CBLB: variants seen among roughly 807,000 people sequenced by gnomAD.
CBLB encodes the protein E3 ubiquitin-protein ligase CBL-B.
In CBLB, 31 loss-of-function variants were observed where a neutral mutation model predicts 104.9. That is an observed-to-expected ratio of 0.30 (90% CI 0.22 to 0.40). CBLB has a LOEUF of 0.40. Among genes scored for constraint, CBLB ranks in the 10% least tolerant of loss-of-function variants. The probability of loss-of-function intolerance (pLI) is 1.00; values close to 1 mark genes in which losing one functional copy is unlikely to be tolerated. For missense variants in CBLB, 1,062 were observed against 1,214.6 expected, an observed-to-expected ratio of 0.87 and a Z score of 1.87; for synonymous variants, 440 against 422.6, an observed-to-expected ratio of 1.04 and a Z score of -0.51.
chr3:105,833,511 G>A (rs943551533), intron 3 of CBLB, among the ~76,000 whole-genome samples: 1 of 151,916 alleles, frequency 6.6e-6, no homozygotes, highest in African/African-American at 2.4e-5. Context: ...CTTTCAAAGC[G>A]ACACTCAGCA....
rs546771082 is a variant in CBLB, at chr3:105,864,169, T to C, written c.168+3241A>G. Among the ~76,000 whole-genome samples the C allele has an allele frequency of 9.5e-4, 144 of 152,288 alleles. 1 individual carries two copies. Among genetic ancestry groups the C allele is most frequent in the African/African-American group, 3.4e-3 (143 of 41,560 alleles). ...ACAAGGAGGATGTTCTCTACTCTGT[T>C]CCCACTGTACTTGGGGTTTGTAATA... is the stretch of plus-strand genomic sequence containing the variant. On this transcript the variant is annotated intron_variant, in intron 2 of 18. Transcript: ENST00000394030.
chr3:105,740,724 C>CA, intron 6 of CBLB, 93 bp from the exon 7 acceptor site: 5 of 1,150,932 alleles, frequency 4.3e-6, no homozygotes, highest in Non-Finnish European at 6.4e-6. Flanking sequence ...AAAGAATAAA[C>CA]AATCATTTAG....
chr3:105,863,688 C>T (rs574586663), intron 2 of CBLB, among the ~76,000 whole-genome samples: 1 of 152,182 alleles, frequency 6.6e-6, no homozygotes, highest in Admixed American at 6.5e-5. Context: ...ATATTTCAAG[C>T]TTGAAAAATG....
intron 9 of CBLB, among the ~76,000 whole-genome samples, chr3:105,727,361 T>C (rs1441255941): frequency 2.0e-5 from 3 of 152,238 alleles, no homozygotes; most frequent in Non-Finnish European, 4.4e-5. Flanking sequence ...TTTTGAGAAG[T>C]GTTTGTTCAT....
intron 4 of CBLB, among the ~76,000 whole-genome samples, chr3:105,772,155 TG>T (rs1193552269): frequency 4.6e-5 from 7 of 152,284 alleles, no homozygotes; most frequent in African/African-American, 1.7e-4. Context: ...CAAAGCAGCA[TG>T]GTACTGGTAT....
chr3:105,782,532 G>T (rs1461435504), intron 3 of CBLB, among the ~76,000 whole-genome samples: 2 of 151,486 alleles, frequency 1.3e-5, no homozygotes, highest in Admixed American at 1.3e-4. Flanking sequence ...ACTGGGAGAG[G>T]TAACTTTGGG....
intron 10 of CBLB, among the ~76,000 whole-genome samples, chr3:105,708,929 T>G (rs1445453189): frequency 1.3e-5 from 2 of 151,910 alleles, no homozygotes; most frequent in Non-Finnish European, 2.9e-5. Context: ...TTATATTATC[T>G]CCAAATTTCT....
chr3:105,751,661 C>A, intron 4 of CBLB, 43 bp from the exon 5 acceptor site: 1 of 1,531,176 alleles, frequency 6.5e-7, no homozygotes, highest in Non-Finnish European at 9.0e-7. Context: ...AATCAAGTAT[C>A]ATTTAAGAAA....
intron 3 of CBLB, among the ~76,000 whole-genome samples, chr3:105,813,453 TGAGTA>T (rs778373554): frequency 1.3e-5 from 2 of 152,260 alleles, no homozygotes; most frequent in Non-Finnish European, 1.5e-5. Flanking sequence ...AATGGTATTT[TGAGTA>T]AAGTTATTAA....
intron 3 of CBLB, among the ~76,000 whole-genome samples, chr3:105,804,462 A>G (rs2083270051): frequency 1.3e-5 from 2 of 152,020 alleles, no homozygotes; most frequent in East Asian, 3.9e-4. Flanking sequence ...TGGAGGTTGC[A>G]GTGAGCCAAG....
intron 12 of CBLB, among the ~76,000 whole-genome samples, chr3:105,697,940 G>A (rs893949802): frequency 6.6e-6 from 1 of 151,860 alleles, no homozygotes; most frequent in Non-Finnish European, 1.5e-5. Context: ...ATTTTGCTCA[G>A]ATAATTAAAA....
chr3:105,686,967 T>C (rs2067087175), intron 13 of CBLB, among the ~76,000 whole-genome samples: 1 of 152,116 alleles, frequency 6.6e-6, no homozygotes, highest in South Asian at 2.1e-4. Flanking sequence ...TAAAGGAAGT[T>C]AAGTATATGG....
chr3:105,851,854 T>C (rs935070689), intron 3 of CBLB, among the ~76,000 whole-genome samples: 1 of 152,200 alleles, frequency 6.6e-6, no homozygotes, highest in Non-Finnish European at 1.5e-5. Flanking sequence ...AGTGCTTTCA[T>C]AAGATTATAA....
chr3:105,808,339 C>A (rs2083796593), intron 3 of CBLB, among the ~76,000 whole-genome samples: 1 of 152,116 alleles, frequency 6.6e-6, no homozygotes, highest in Admixed American at 6.6e-5. Context: ...TGTCCCACAT[C>A]TTTAGTAATA....
intron 18 of CBLB, among the ~76,000 whole-genome samples, chr3:105,664,836 TC>T (rs2064193910): frequency 6.6e-6 from 1 of 152,144 alleles, no homozygotes; most frequent in Admixed American, 6.6e-5. Context: ...CTAAAACCCT[TC>T]ATTATTTTGT....
At chr3:105,858,126 C>A (rs1577938290) in intron 2 of CBLB, among the ~76,000 whole-genome samples, 1 of 152,182 alleles carries the variant, frequency 6.6e-6, no homozygotes, top group South Asian at 2.1e-4. Flanking sequence ...GTCAGTTCAT[C>A]AAGGCCCTGT....
At chr3:105,855,920 T>C (rs1474890050) in intron 2 of CBLB, among the ~76,000 whole-genome samples, 2 of 152,194 alleles carry the variant, frequency 1.3e-5, no homozygotes, top group African/African-American at 4.8e-5. Context: ...AAAACATGGA[T>C]CTGCCTCTGG....
Position 105,658,151 on chromosome 3 carries a change from G to A in CBLB, c.*819C>T, listed in dbSNP as rs9657910. 10,814 of 217,414 alleles carry A rather than the reference G, an allele frequency of 0.05. 394 individuals are homozygous for A. The highest frequency in any genetic ancestry group is 0.093 in the Admixed American group (1,598 of 17,210). 13.5% of individuals were successfully genotyped at this position (217,414 alleles called of 1,614,324 possible). On this transcript the variant is annotated 3_prime_UTR_variant, in exon 19 of 19. Coordinates refer to ENST00000394030, the MANE Select transcript of CBLB (RefSeq NM_170662.5). ...AAGTGTTCTCTCTTCCACATCTGTA[G>A]TAGCTGCTTTCTAATATTGTAGATT...
At chr3:105,783,130 G>A (rs2080497283) in intron 3 of CBLB, among the ~76,000 whole-genome samples, 1 of 152,040 alleles carries the variant, frequency 6.6e-6, no homozygotes, top group Non-Finnish European at 1.5e-5. Context: ...CTTACATATT[G>A]ACGAGTTTGG....
Sources: gnomAD v4.1 joint callset for allele counts (sites outside exome capture counted in the v4.1 genomes callset) on GRCh38, gnomAD v4.1.1 for gene constraint, MANE v1.5 for transcripts, NCBI Gene and HGNC (gene_info 2026-07-23, HGNC 2026-07-21) for gene names.